FGGY: variants seen among roughly 807,000 people sequenced by gnomAD.
The protein encoded by FGGY is FGGY carbohydrate kinase domain containing, also known as FGGY carbohydrate kinase domain-containing protein.
Under a neutral mutation model 71.3 loss-of-function variants are expected in FGGY, and 72 were observed. The ratio of observed to expected loss-of-function variants is 1.01; its 90% CI spans 0.84 to 1.23. The LOEUF (loss-of-function observed/expected upper bound fraction) is 1.23, where lower values mean the gene tolerates loss of function less well. FGGY is among the 50% of genes most tolerant of loss of function. FGGY has a pLI of 0.00. For synonymous variants in FGGY, 251 were observed against 250.3 expected (o/e 1.00, Z -0.02); for missense variants, 668 against 682.3 (o/e 0.98, Z 0.23).
At chr1:59,629,355 C>T (rs773882322) in intron 10 of FGGY, among the ~76,000 whole-genome samples, 23 of 152,220 alleles carry the variant, frequency 1.5e-4, no homozygotes, top group Middle Eastern at 3.4e-3. Context: ...GTAAAATATA[C>T]GTAGTGTGTT....
At chr1:59,454,767 C>A (rs559406213) in intron 5 of FGGY, among the ~76,000 whole-genome samples, 1 of 152,316 alleles carries the variant, frequency 6.6e-6, no homozygotes, top group South Asian at 2.1e-4. Flanking sequence ...TGATCAATTT[C>A]TGTCTCCCCA....
At chr1:59,629,781 A>G (rs1332567082) in intron 10 of FGGY, among the ~76,000 whole-genome samples, 1 of 152,180 alleles carries the variant, frequency 6.6e-6, no homozygotes, top group Non-Finnish European at 1.5e-5. Flanking sequence ...CATTGTGTGA[A>G]ACCCATTTTC....
intron 14 of FGGY, among the ~76,000 whole-genome samples, chr1:59,695,900 G>T: frequency 1.3e-5 from 2 of 148,730 alleles, no homozygotes; most frequent in South Asian, 2.1e-4. Flanking sequence ...AGTCCTGTGG[G>T]TTTTTTTTTT....
chr1:59,495,912 A>G (rs560042872), intron 6 of FGGY, among the ~76,000 whole-genome samples: 34 of 152,224 alleles, frequency 2.2e-4, no homozygotes, highest in Admixed American at 3.3e-4. Flanking sequence ...GAAGTCAGGT[A>G]ATGTGGTGCC....
At chr1:59,756,395 G>A (rs546541729) in intron 14 of FGGY, among the ~76,000 whole-genome samples, 75 of 152,352 alleles carry the variant, frequency 4.9e-4, no homozygotes, top group African/African-American at 1.8e-3. Flanking sequence ...GAGCAACCTA[G>A]CAGGAGTGGA....
At chr1:59,633,208 C>T (rs1016371993) in intron 10 of FGGY, among the ~76,000 whole-genome samples, 2 of 152,096 alleles carry the variant, frequency 1.3e-5, no homozygotes, top group Non-Finnish European at 2.9e-5. Flanking sequence ...GACGGGGTTT[C>T]ACCGTGTTAG....
At chr1:59,375,303 T>TGCATGGG (rs1287413076) in intron 4 of FGGY, among the ~76,000 whole-genome samples, 1 of 147,618 alleles carries the variant, frequency 6.8e-6, no homozygotes, top group Non-Finnish European at 1.5e-5. Flanking sequence ...AAAAAAAAAC[T>TGCATGGG]GCATGGGATC....
At chr1:59,296,831 T>C, upstream of FGGY, 1 of 152,492 alleles carries the variant, frequency 6.6e-6, no homozygotes, top group South Asian at 2.0e-4. Flanking sequence ...ACCGCCCTGC[T>C]CAGGCGCCGT....
chr1:59,431,362 C>G (rs2067325893), intron 5 of FGGY, among the ~76,000 whole-genome samples: 1 of 152,202 alleles, frequency 6.6e-6, no homozygotes. Flanking sequence ...GTCACACTAC[C>G]ATGGATCAAG....
chr1:59,465,852 A>G (rs1438322560), intron 6 of FGGY, among the ~76,000 whole-genome samples: 3 of 152,202 alleles, frequency 2.0e-5, no homozygotes. Flanking sequence ...AATGAAATAA[A>G]AGAGGACACA....
intron 5 of FGGY, among the ~76,000 whole-genome samples, chr1:59,442,646 T>G (rs2070226561): frequency 6.6e-6 from 1 of 152,132 alleles, no homozygotes; most frequent in Non-Finnish European, 1.5e-5. Context: ...CATGTTAAAA[T>G]TCTCAGCTCT....
chr1:59,541,053 TTGTC>T (rs1315807065), intron 7 of FGGY, among the ~76,000 whole-genome samples: 1 of 152,130 alleles, frequency 6.6e-6, no homozygotes, highest in Non-Finnish European at 1.5e-5. Context: ...GCTTTTTTAT[TTGTC>T]TGTTTGTTTG....
At chr1:59,544,658 C>T (rs1462529888) in intron 7 of FGGY, among the ~76,000 whole-genome samples, 1 of 152,118 alleles carries the variant, frequency 6.6e-6, no homozygotes, top group East Asian at 1.9e-4. Context: ...GGAAAAATGA[C>T]CCTGTAAAGG....
chr1:59,694,332 T>A (rs1001963917), intron 14 of FGGY, among the ~76,000 whole-genome samples: 26 of 145,762 alleles, frequency 1.8e-4, no homozygotes, highest in Non-Finnish European at 3.0e-4. Flanking sequence ...AATAAATAAA[T>A]AAAATACTGA....
intron 7 of FGGY, among the ~76,000 whole-genome samples, chr1:59,535,563 A>G (rs998869365): frequency 2.7e-4 from 41 of 152,118 alleles, no homozygotes; most frequent in Admixed American, 6.6e-4. Flanking sequence ...CTATTCCAAA[A>G]TTGACCACAT....
chr1:59,350,624 T>C (rs1315308349), intron 4 of FGGY, among the ~76,000 whole-genome samples: 2 of 152,082 alleles, frequency 1.3e-5, no homozygotes, highest in Admixed American at 1.3e-4. Flanking sequence ...AGGGCTTATT[T>C]GGTGATAGGG....
At chr1:59,534,273 A>T (rs531876514) in intron 7 of FGGY, among the ~76,000 whole-genome samples, 2 of 152,092 alleles carry the variant, frequency 1.3e-5, no homozygotes, top group South Asian at 2.1e-4. Flanking sequence ...AGAAGGGAAG[A>T]TTAGAGAAAA....
chr1:59,303,633 T>C (rs2043075871), intron 1 of FGGY, among the ~76,000 whole-genome samples: 1 of 152,174 alleles, frequency 6.6e-6, no homozygotes, highest in Non-Finnish European at 1.5e-5. Flanking sequence ...AAGATTACTA[T>C]ATCATATGGT....
chr1:59,497,088 G>A (rs1337773201), intron 6 of FGGY, among the ~76,000 whole-genome samples: 1 of 152,180 alleles, frequency 6.6e-6, no homozygotes. Flanking sequence ...CCCCTGAATT[G>A]CTTCCAGAAG....
Sources: gnomAD v4.1 joint callset for allele counts (sites outside exome capture counted in the v4.1 genomes callset) on GRCh38, gnomAD v4.1.1 for gene constraint, MANE v1.5 for transcripts, NCBI Gene and HGNC (gene_info 2026-07-23, HGNC 2026-07-21) for gene names.